OR51B5: variants seen among roughly 807,000 people sequenced by gnomAD.
OR51B5 encodes olfactory receptor family 51 subfamily B member 5, also known as olfactory receptor 51B5.
For synonymous variants in OR51B5, 186 were observed against 144.8 expected, an observed-to-expected ratio of 1.28 and a Z score of -2.04; for missense variants, 456 against 374.6, an observed-to-expected ratio of 1.22 and a Z score of -1.79.
chr11:5,367,487 G>A (rs985876760), intron 1 of OR51B5, among the ~76,000 whole-genome samples: 3 of 152,156 alleles, frequency 2.0e-5, no homozygotes, highest in Non-Finnish European at 4.4e-5. Context: ...ACTTCCTGAT[G>A]TTGCCATGGC....
At chr11:5,373,714 G>C (rs1464721546) in intron 1 of OR51B5, among the ~76,000 whole-genome samples, 2 of 152,194 alleles carry the variant, frequency 1.3e-5, no homozygotes, top group East Asian at 3.9e-4. Context: ...CGCCCACGGA[G>C]TCTCCCTGAT....
At chr11:5,488,894 A>G in intron 1 of OR51B5, 1 of 1,613,892 alleles carries the variant, frequency 6.2e-7, no homozygotes, top group South Asian at 1.1e-5. Flanking sequence ...GCACCTATGT[A>G]CCTCTTCCTC....
At chr11:5,476,860 T>C (rs1309793316) in intron 1 of OR51B5, among the ~76,000 whole-genome samples, 2 of 152,120 alleles carry the variant, frequency 1.3e-5, no homozygotes, top group South Asian at 2.1e-4. Flanking sequence ...GCTAACTAGC[T>C]AGGTAAAGTA....
intron 1 of OR51B5, among the ~76,000 whole-genome samples, chr11:5,457,517 G>C (rs1173699669): frequency 6.6e-6 from 1 of 152,154 alleles, no homozygotes; most frequent in African/African-American, 2.4e-5. Context: ...TCAATGGGTA[G>C]CTCTAAGTTA....
chr11:5,382,754 A>G (rs1248225293), intron 1 of OR51B5, among the ~76,000 whole-genome samples: 1 of 152,086 alleles, frequency 6.6e-6, no homozygotes, highest in Non-Finnish European at 1.5e-5. Context: ...TGACTCTCCT[A>G]CACTCTGGCC....
intron 1 of OR51B5, chr11:5,392,459 T>A (rs1213547721): frequency 2.6e-5 from 4 of 152,232 alleles, no homozygotes; most frequent in Admixed American, 6.5e-5. Flanking sequence ...CCATTTTGCC[T>A]CTTATTAACA....
chr11:5,451,869 T>C (rs71488566), intron 1 of OR51B5, among the ~76,000 whole-genome samples: 20 of 152,324 alleles, frequency 1.3e-4, no homozygotes, highest in Non-Finnish European at 2.2e-4. Flanking sequence ...AAAAGCCTTC[T>C]AGCCTTCTGT....
intron 1 of OR51B5, among the ~76,000 whole-genome samples, chr11:5,475,491 C>G (rs568800524): frequency 6.6e-6 from 1 of 152,112 alleles, no homozygotes; most frequent in South Asian, 2.1e-4. Flanking sequence ...TATCCACCAA[C>G]TCTTGGTGGA....
intron 1 of OR51B5, among the ~76,000 whole-genome samples, chr11:5,354,533 CAG>C (rs1849156471): frequency 6.6e-6 from 1 of 152,020 alleles, no homozygotes; most frequent in Non-Finnish European, 1.5e-5. Context: ...TCCCGTGAAA[CAG>C]AGCAGAGCTC....
chr11:5,342,166 A>G (rs537693632), downstream of OR51B5, among the ~76,000 whole-genome samples: 4 of 152,208 alleles, frequency 2.6e-5, no homozygotes, highest in African/African-American at 2.4e-5. Context: ...AGAGAAATTC[A>G]TAAGAGTTGG....
intron 1 of OR51B5, chr11:5,403,369 T>C (rs1213157546): frequency 4.2e-6 from 2 of 471,494 alleles, no homozygotes. Context: ...GTGCCTATGA[T>C]TGGCTTGTCT....
At chr11:5,470,386 T>G (rs1490505917) in intron 1 of OR51B5, among the ~76,000 whole-genome samples, 1 of 152,176 alleles carries the variant, frequency 6.6e-6, no homozygotes, top group Non-Finnish European at 1.5e-5. Context: ...AATTGCCCCC[T>G]CATTTCTTCT....
chr11:5,398,161 C>A (rs558952391), intron 1 of OR51B5, among the ~76,000 whole-genome samples: 27 of 149,784 alleles, frequency 1.8e-4, no homozygotes, highest in Admixed American at 1.2e-3. Context: ...TGTAACTAAC[C>A]TGCACCTTGT....
At chr11:5,426,218 G>A (rs533398558) in intron 1 of OR51B5, among the ~76,000 whole-genome samples, 1 of 152,294 alleles carries the variant, frequency 6.6e-6, no homozygotes, top group Non-Finnish European at 1.5e-5. Flanking sequence ...GGAAAGTGAA[G>A]TGTTGAATAG....
At chr11:5,455,883 A>T (rs1850951940) in intron 1 of OR51B5, 1 of 152,188 alleles carries the variant, frequency 6.6e-6, no homozygotes, top group Non-Finnish European at 1.5e-5. Flanking sequence ...CACTAAATAG[A>T]TTGCTTTTAG....
At chr11:5,372,658 A>G (rs1849463965) in intron 1 of OR51B5, among the ~76,000 whole-genome samples, 1 of 152,210 alleles carries the variant, frequency 6.6e-6, no homozygotes, top group Non-Finnish European at 1.5e-5. Context: ...TATTTTGGGT[A>G]TTAGACTTGT....
At chr11:5,414,174 G>T (rs570445631) in intron 1 of OR51B5, among the ~76,000 whole-genome samples, 2 of 151,784 alleles carry the variant, frequency 1.3e-5, no homozygotes, top group African/African-American at 4.8e-5. Flanking sequence ...TTCATATCCA[G>T]CCAAACTAAG....
intron 1 of OR51B5, among the ~76,000 whole-genome samples, chr11:5,374,210 C>G (rs1435009594): frequency 6.6e-6 from 1 of 152,130 alleles, no homozygotes; most frequent in Admixed American, 6.5e-5. Flanking sequence ...CTGCTGATAC[C>G]CAGGCAAACA....
intron 1 of OR51B5, chr11:5,390,637 T>A: frequency 2.4e-6 from 1 of 416,934 alleles, no homozygotes; most frequent in Non-Finnish European, 4.2e-6. Flanking sequence ...TTATTGAAGG[T>A]CATCATCAAT....
Sources: allele counts gnomAD v4.1 joint callset (sites outside exome capture counted in the v4.1 genomes callset), GRCh38; gene constraint gnomAD v4.1.1; transcripts MANE v1.5; gene names NCBI Gene and HGNC (gene_info 2026-07-23, HGNC 2026-07-21).